The following TFG variants were observed in gnomAD, a reference collection of about 807,000 sequenced individuals.
The protein encoded by TFG is protein TFG.
In TFG, 22 loss-of-function variants were observed where a neutral mutation model predicts 51.4. The ratio of observed to expected loss-of-function variants is 0.43; its 90% confidence interval spans 0.31 to 0.61. The LOEUF (loss-of-function observed/expected upper bound fraction) is 0.61. Ranked by LOEUF, TFG falls within the 20% of genes least tolerant of loss-of-function variation. TFG has a pLI of 0.12. For missense variants in TFG, 419 were observed against 487.7 expected, an observed-to-expected ratio of 0.86 and a Z score of 1.33; for synonymous variants, 187 against 165.6, an observed-to-expected ratio of 1.13 and a Z score of -0.99.
chr3:100,738,124 C>T (rs16842674), intron 6 of TFG, among the ~76,000 whole-genome samples: 2,387 of 151,902 alleles, frequency 0.016, 57 homozygotes, highest in African/African-American at 0.056. Flanking sequence ...GTTGGATGAA[C>T]ACCAGTCATT....
chr3:100,744,887 A>G lies in TFG; in HGVS notation c.776A>G (p.Gln259Arg), dbSNP rs891678936. ...GCCGGCTATGGTGCACAGCAGCCGC[A>G]GGCTCCACCTCAGCAGCCTCAACAG... Reference protein sequence around the residue: ...QQAGYGAQQPQAPPQQPQQYG... With the variant: ...QQAGYGAQQPRAPPQQPQQYG... The change falls in exon 7 of 8, where the codon CAG becomes CGG. Residue 259 changes from glutamine to arginine, a missense_variant. Gln to Arg is a conservative substitution (Grantham distance 43). Transcript: ENST00000240851. 1.2e-6 allele frequency: 2 copies of G among 1,613,668 alleles called. No individual in the cohort carries two copies. Among genetic ancestry groups the G allele is most frequent in the Non-Finnish European group, 1.7e-6 (2 of 1,179,712 alleles).
At chr3:100,721,485 T>C (rs2149068486) in intron 3 of TFG, among the ~76,000 whole-genome samples, 1 of 152,284 alleles carries the variant, frequency 6.6e-6, no homozygotes, top group South Asian at 2.1e-4. Context: ...ACAGGGAAAG[T>C]CAAGGAAGCT....
upstream of TFG, chr3:100,709,310 G>C (rs1256435611): frequency 6.6e-6 from 1 of 152,296 alleles, no homozygotes; most frequent in African/African-American, 2.4e-5. Flanking sequence ...CCGCGCATGC[G>C]TGCATCGGGG....
Position 100,719,111 on chromosome 3 carries a change from T to C in TFG, c.185-864T>C, listed in dbSNP as rs577929149. ...GGCTATAAGGAGCTAAAAACAGTTA[T>C]AAAATTCTCAGTTTTGTCATCTTTG... is the stretch of plus-strand genomic sequence containing the variant. On this transcript the variant is annotated intron_variant, in intron 2 of 7. Coordinates refer to ENST00000240851, the MANE Select transcript of TFG (RefSeq NM_006070.6). Among the ~76,000 whole-genome samples, 127 of 152,334 alleles carry C rather than the reference T, an allele frequency of 8.3e-4. 1 individual carries two copies. The highest frequency in any genetic ancestry group is 3.0e-3 in the African/African-American group (123 of 41,576).
intron 2 of TFG, among the ~76,000 whole-genome samples, chr3:100,714,566 C>T (rs548412114): frequency 7.8e-6 from 1 of 127,766 alleles, no homozygotes; most frequent in East Asian, 2.0e-4. Context: ...TTTTCACATA[C>T]ATTTTTTTTA....
chr3:100,719,918 T>C lies in TFG; in HGVS notation c.185-57T>C, dbSNP rs78081928. On this transcript the variant is annotated intron_variant, in intron 2 of 7. Coordinates refer to ENST00000240851, the MANE Select transcript of TFG (RefSeq NM_006070.6). ...TTAATTTTTACTAGTTTACTGCTTA[T>C]ACAAATCTGAAAATTTAAAAAATTA... The C allele has an allele frequency of 0.015, 17,016 of 1,143,100 alleles. 189 individuals are homozygous for C. Among genetic ancestry groups the C allele is most frequent in the Non-Finnish European group, 0.02 (16,007 of 796,800 alleles). The allele number at this position is 1,143,100 out of a possible 1,614,324, so 70.8% of individuals were successfully genotyped here.
rs566819958 is a variant in TFG at position 100,732,691 on chromosome 3, C to T, written c.580+19C>T. ...GTTTCAGGTAAGTTGGTTTCCAACT[C>T]CTTTACACCCTTCGTTTCCTTCATC... On this transcript the variant is annotated intron_variant, in intron 5 of 7. Transcript: ENST00000240851. 1.6e-5 allele frequency: 25 copies of T among 1,567,564 alleles called. No individual in the cohort carries two copies. The South Asian group carries it at 2.8e-4, about 18-fold the overall frequency.
chr3:100,726,711 C>A (rs1009261457), intron 3 of TFG, among the ~76,000 whole-genome samples: 1 of 152,172 alleles, frequency 6.6e-6, no homozygotes, highest in African/African-American at 2.4e-5. Context: ...TGACTTACTG[C>A]AGCAAGGGAG....
intron 3 of TFG, among the ~76,000 whole-genome samples, chr3:100,728,138 A>G (rs1201823477): frequency 6.6e-6 from 1 of 151,970 alleles, no homozygotes; most frequent in Non-Finnish European, 1.5e-5. Context: ...CTGGCCCTGC[A>G]TATATTTTTT....
chr3:100,728,800 AT>A lies in TFG; in HGVS notation c.359del (p.Leu120TrpfsTer52). 6.2e-7 allele frequency: 1 copy of A among 1,612,630 alleles called. No individual in the cohort carries two copies. Among genetic ancestry groups the A allele is most frequent in the Non-Finnish European group, 8.5e-7 (1 of 1,179,286 alleles). On this transcript the variant is annotated frameshift_variant, in exon 4 of 8. Transcript: ENST00000240851. LOFTEE classifies it high-confidence loss of function. Reference sequence around the variant, plus strand: ...AACTTCGAAATAAAGTGAATCGTTTATTGGATAGCTTGGAACCACCTGGAGA... The same window carrying A: ...AACTTCGAAATAAAGTGAATCGTTTATGGATAGCTTGGAACCACCTGGAGA... ...IELRNKVNRL[L>X]DSLEPPGEPG...
Position 100,720,009 on chromosome 3 carries a change from C to A in TFG, c.219C>A (p.Asp73Glu). 1 of 1,578,454 alleles carries A rather than the reference C, an allele frequency of 6.3e-7. No homozygotes were observed. Among genetic ancestry groups the A allele is most frequent in the Non-Finnish European group, 8.6e-7 (1 of 1,165,050 alleles). Residue 73 changes from aspartate (D) to glutamate (E), a missense_variant, in exon 3 of 8, where the codon GAC (aspartate) becomes GAA (glutamate). Coordinates refer to ENST00000240851, the MANE Select transcript of TFG (RefSeq NM_006070.6). ...TTATAACAATTTTTGATAGTTCTGA[C>A]CTTTCCTTTGCAATTCAGTGCAGTA... ...GDLITIFDSSDLSFAIQCSRI... is the reference protein window; with the variant it reads ...GDLITIFDSSELSFAIQCSRI...
At chr3:100,744,784 C>A (rs1427661210) in intron 6 of TFG, 49 bp from the exon 7 acceptor site, 2 of 1,241,604 alleles carry the variant, frequency 1.6e-6, no homozygotes. Flanking sequence ...TTCTCTTTGC[C>A]ACATTAAACA....
chr3:100,725,591 A>G (rs2149074062), intron 3 of TFG, among the ~76,000 whole-genome samples: 1 of 149,270 alleles, frequency 6.7e-6, no homozygotes, highest in East Asian at 2.0e-4. Context: ...AGCCTGGCCA[A>G]CATGGCGAAA....
chr3:100,721,435 A>G (rs1367342254), intron 3 of TFG, among the ~76,000 whole-genome samples: 2 of 152,206 alleles, frequency 1.3e-5, no homozygotes, highest in Non-Finnish European at 2.9e-5. Context: ...TCAGTAGGCC[A>G]TGCTTTCAAA....
intron 2 of TFG, among the ~76,000 whole-genome samples, chr3:100,715,709 C>T (rs1009051587): frequency 2.6e-5 from 4 of 151,618 alleles, no homozygotes; most frequent in African/African-American, 9.7e-5. Flanking sequence ...AAATGTGTGT[C>T]TTAATTTGAT....
chr3:100,716,408 A>T (rs142358942), intron 2 of TFG, among the ~76,000 whole-genome samples: 1,909 of 152,234 alleles, frequency 0.013, 34 homozygotes, highest in African/African-American at 0.044. Context: ...TCCATTGTGT[A>T]TATATACCAT....
At position 100,748,258 on chromosome 3, in the gene TFG, A is replaced by G. The variant is rs1576389170; in HGVS notation, c.930A>G (p.Gln310=). 1.2e-6 allele frequency: 2 copies of G among 1,614,038 alleles called. No homozygotes were observed. The highest frequency in any genetic ancestry group is 3.3e-5 in the Admixed American group (2 of 60,000). ...PAPAFSGQPQ[Q]LPAQPPQQYQ... ...CTGCCTTTTCTGGTCAGCCTCAACA[A>G]CTGCCTGCTCAGCCGCCACAGCAGT... Residue 310 remains glutamine (Q), a synonymous_variant, in exon 8 of 8, where the codon CAA becomes CAG. Transcript: ENST00000240851.
At chr3:100,726,471 A>AT (rs999561849) in intron 3 of TFG, among the ~76,000 whole-genome samples, 9 of 152,306 alleles carry the variant, frequency 5.9e-5, no homozygotes, top group African/African-American at 1.9e-4. Context: ...CCTCACTCTA[A>AT]TCAAGCTGAC....
intron 5 of TFG, among the ~76,000 whole-genome samples, chr3:100,735,468 C>A (rs1002988875): frequency 6.6e-6 from 1 of 152,124 alleles, no homozygotes; most frequent in Non-Finnish European, 1.5e-5. Context: ...CTCACAATAA[C>A]CTTATCAAGT....
Sources: gnomAD v4.1 joint callset for allele counts (sites outside exome capture counted in the v4.1 genomes callset) on GRCh38, gnomAD v4.1.1 for gene constraint, MANE v1.5 for transcripts, NCBI Gene and HGNC (gene_info 2026-07-23, HGNC 2026-07-21) for gene names.